LINC00632: variants seen among roughly 807,000 people sequenced by gnomAD.
LINC00632 encodes the protein ALDOA related specific transcript.
chrX:140,745,819 T>A (rs1931319126), intron 3 of LINC00632, among the ~76,000 whole-genome samples: 1 of 112,400 alleles, frequency 8.9e-6, no homozygotes. Flanking sequence ...ACTGGTCATT[T>A]CATATGCTGC....
chrX:140,778,245 CAGGTAAATATTTT>C (rs1447822688), exon 5 of LINC00632, among the ~76,000 whole-genome samples: 2 of 112,520 alleles, frequency 1.8e-5, no homozygotes, highest in African/African-American at 6.5e-5. Flanking sequence ...GTCACATCTA[CAGGTAAATATTTT>C]TAAATCAATG....
exon 5 of LINC00632, chrX:140,783,846 C>A: frequency 1.2e-5 from 14 of 1,210,564 alleles, no homozygotes; most frequent in Non-Finnish European, 1.6e-5. Flanking sequence ...ACCTCCCAGT[C>A]TTCCAGAAAA....
At chrX:140,785,457 T>C (rs554230051) in exon 5 of LINC00632, among the ~76,000 whole-genome samples, 4 of 112,421 alleles carry the variant, frequency 3.6e-5, no homozygotes, top group African/African-American at 9.7e-5. Flanking sequence ...TCCATGATTG[T>C]AACCACTATG....
intron 2 of LINC00632, chrX:140,713,524 G>C: frequency 2.9e-6 from 1 of 342,018 alleles, no homozygotes; most frequent in African/African-American, 2.6e-5. Flanking sequence ...TAGATACTAA[G>C]GGGGACTTGC....
chrX:140,768,779 ATATT>A (rs1313131597), intron 3 of LINC00632, among the ~76,000 whole-genome samples: 24 of 100,743 alleles, frequency 2.4e-4, no homozygotes, highest in African/African-American at 8.3e-4. Flanking sequence ...TATATTATAT[ATATT>A]TGTATATGTA....
At chrX:140,720,467 A>G (rs1001556196) in intron 2 of LINC00632, among the ~76,000 whole-genome samples, 5 of 111,302 alleles carry the variant, frequency 4.5e-5, no homozygotes, top group African/African-American at 1.6e-4. Context: ...ACATAACCCT[A>G]CATATACAAA....
chrX:140,730,251 A>T (rs1348846434), intron 2 of LINC00632, among the ~76,000 whole-genome samples: 5 of 110,747 alleles, frequency 4.5e-5, no homozygotes, highest in Non-Finnish European at 9.4e-5. Flanking sequence ...GATCGGCACC[A>T]CAAGAAACTC....
intron 2 of LINC00632, among the ~76,000 whole-genome samples, chrX:140,727,573 G>A (rs919346504): frequency 7.2e-5 from 8 of 111,636 alleles, no homozygotes; most frequent in African/African-American, 2.6e-4. Context: ...GATTACAGGC[G>A]TGAGCCACCA....
In LINC00632 at chrX:140,721,451, A is replaced by G. The variant is rs944037872; in HGVS notation, n.104+9795A>G. 6.3e-5 allele frequency among the ~76,000 whole-genome samples: 7 copies of G among 111,605 alleles called. No individual in the cohort carries two copies. The Admixed American group carries it at 6.7e-4, about 11-fold the overall frequency. Reference sequence around the variant, plus strand: ...ACTGTTCTGCCTCAGATCATCAGGCATTAGATTCTCATAAGGAGTGCACAA... The same window carrying G: ...ACTGTTCTGCCTCAGATCATCAGGCGTTAGATTCTCATAAGGAGTGCACAA... On this transcript the variant is annotated intron_variant and non_coding_transcript_variant, in intron 2 of 4. Coordinates refer to ENST00000648200, the Ensembl canonical transcript of LINC00632.
At chrX:140,713,246 T>G (rs1205355550) in intron 2 of LINC00632, among the ~76,000 whole-genome samples, 1 of 109,647 alleles carries the variant, frequency 9.1e-6, no homozygotes, top group African/African-American at 3.3e-5. Context: ...AATTAACTGC[T>G]CTCTATATGC....
chrX:140,711,752 T>C lies in LINC00632; in HGVS notation n.104+96T>C, dbSNP rs1035237976. The stretch of plus-strand genomic sequence containing the variant: ...CATTATTTTCCAGCCATTGTTTTCC[T>C]ATTAATTTTTACCATTTATGGTGGT... On this transcript the variant is annotated intron_variant and non_coding_transcript_variant, in intron 2 of 4. Coordinates refer to ENST00000648200, the Ensembl canonical transcript of LINC00632. The C allele has an allele frequency of 6.8e-5, 11 of 161,325 alleles. No individual in the cohort carries two copies. The East Asian group carries it at 2.0e-3, about 30-fold the overall frequency. 13.3% of individuals were successfully genotyped at this position (161,325 alleles called of 1,213,427 possible). A position where few individuals can be genotyped will look rare whatever the true frequency, so the allele number is the denominator to read the frequency against.
chrX:140,784,185 G>T (rs866031062), exon 5 of LINC00632: 1 of 1,209,597 alleles, frequency 8.3e-7, no homozygotes, highest in Non-Finnish European at 1.1e-6. Context: ...CAGGAAATCC[G>T]TGTCTTCCAG....
chrX:140,719,088 A>G (rs1399796110), intron 2 of LINC00632, among the ~76,000 whole-genome samples: 1 of 112,350 alleles, frequency 8.9e-6, no homozygotes, highest in African/African-American at 3.2e-5. Context: ...TATCCCCGTG[A>G]CATAAATACT....
At chrX:140,748,857 GATAT>G (rs1039823229) in intron 3 of LINC00632, among the ~76,000 whole-genome samples, 4 of 76,424 alleles carry the variant, frequency 5.2e-5, no homozygotes, top group African/African-American at 1.8e-4. Flanking sequence ...TTATATATAT[GATAT>G]ATATAAAATG....
At chrX:140,784,933 GTAA>G (rs1283518029) in exon 5 of LINC00632, 1 of 124,018 alleles carries the variant, frequency 8.1e-6, no homozygotes, top group Non-Finnish European at 1.8e-5. Flanking sequence ...ACTTTTAAAA[GTAA>G]TGTCCATAAT....
chrX:140,758,964 C>CTT (rs146312064), intron 3 of LINC00632, among the ~76,000 whole-genome samples: 897 of 78,924 alleles, frequency 0.011, 4 homozygotes, highest in African/African-American at 0.017. Context: ...CTTTTCTTTT[C>CTT]TTTTTTTTTT....
chrX:140,788,992 A>T (rs987036793), exon 5 of LINC00632, among the ~76,000 whole-genome samples: 1 of 106,553 alleles, frequency 9.4e-6, no homozygotes, highest in African/African-American at 3.4e-5. Context: ...AGTAAAAAGT[A>T]AAAAAAAGCA....
chrX:140,784,000 A>G (rs1931977648), exon 5 of LINC00632: 1 of 1,211,353 alleles, frequency 8.3e-7, no homozygotes, highest in Non-Finnish European at 1.1e-6. Flanking sequence ...TCTTCCAGAA[A>G]ATCCTTGTCT....
intron 2 of LINC00632, among the ~76,000 whole-genome samples, chrX:140,723,376 TACACACACATTCCATAC>T (rs1930773116): frequency 9.4e-4 from 2 of 2,133 alleles, no homozygotes; most frequent in African/African-American, 2.1e-3. Context: ...ACACATTCCA[TACACACACATTCCATAC>T]ACACACATTC....
Sources: allele counts gnomAD v4.1 joint callset (sites outside exome capture counted in the v4.1 genomes callset), GRCh38; gene constraint gnomAD v4.1.1; transcripts MANE v1.5; gene names NCBI Gene and HGNC (gene_info 2026-07-23, HGNC 2026-07-21).